SNAP91: variants seen among roughly 807,000 people sequenced by gnomAD.
SNAP91 encodes the protein clathrin coat assembly protein AP180.
A neutral mutation model predicts 100.3 loss-of-function variants in SNAP91; 27 were observed. That is an observed-to-expected ratio of 0.27 (90% confidence interval 0.20 to 0.37). The LOEUF (loss-of-function observed/expected upper bound fraction) is 0.37, where lower values mean the gene tolerates loss of function less well. SNAP91 is among the 10% of genes least tolerant of loss of function. The pLI is 1.00. For missense variants in SNAP91, 986 were observed against 1,123.7 expected, an observed-to-expected ratio of 0.88 and a Z score of 1.75; for synonymous variants, 404 against 398.6, an observed-to-expected ratio of 1.01 and a Z score of -0.16.
intron 10 of SNAP91, among the ~76,000 whole-genome samples, chr6:83,615,702 T>C (rs1562356639): frequency 6.6e-6 from 1 of 152,152 alleles, no homozygotes; most frequent in Non-Finnish European, 1.5e-5. Flanking sequence ...TACTGTTGCT[T>C]ATCACTGCAA....
At chr6:83,588,519 CT>C (rs896664570) in intron 22 of SNAP91, among the ~76,000 whole-genome samples, 8 of 152,260 alleles carry the variant, frequency 5.3e-5, no homozygotes, top group African/African-American at 1.9e-4. Flanking sequence ...AACTAACATA[CT>C]TTTTTTGTAG....
Position 83,634,354 on chromosome 6 carries a change from G to A in SNAP91, c.765+6742C>T, listed in dbSNP as rs184386350. 1.3e-3 allele frequency among the ~76,000 whole-genome samples: 195 copies of A among 150,766 alleles called. 2 individuals carry two copies. The highest frequency in any genetic ancestry group is 5.6e-4 in the Non-Finnish European group (38 of 68,010). On this transcript the variant is annotated intron_variant, in intron 8 of 29. Coordinates refer to ENST00000369694, the MANE Select transcript of SNAP91 (RefSeq NM_001242792.2). Reference sequence around the variant, plus strand: ...ATCTTCTCCTGTTATCTAGGCCTACGGTTTCCCCAGTGCGGGGTGTGTGTT... The same window carrying A: ...ATCTTCTCCTGTTATCTAGGCCTACAGTTTCCCCAGTGCGGGGTGTGTGTT...
intron 2 of SNAP91, among the ~76,000 whole-genome samples, chr6:83,707,467 G>GA (rs972041332): frequency 4.0e-5 from 6 of 150,130 alleles, no homozygotes; most frequent in South Asian, 4.2e-4. Flanking sequence ...GGTGGAGAAA[G>GA]AAAAAAAGGT....
At chr6:83,602,209 G>A (rs2095300649) in intron 14 of SNAP91, among the ~76,000 whole-genome samples, 1 of 152,192 alleles carries the variant, frequency 6.6e-6, no homozygotes, top group East Asian at 1.9e-4. Context: ...TCACCAGCCT[G>A]TAGAAATGCC....
At position 83,649,707 on chromosome 6, in the gene SNAP91, A is replaced by C. The variant is rs966590609; in HGVS notation, c.658+7047T>G. ...GTGATTCTCCTGCCTTAGCCTCCCT[A>C]GTAGCTGGGACTATAGACATGAGCC... On this transcript the variant is annotated intron_variant, in intron 7 of 29. Transcript: ENST00000369694. Among the ~76,000 whole-genome samples the C allele has an allele frequency of 2.0e-5, 3 of 150,230 alleles. 1 individual carries two copies. The highest frequency in any genetic ancestry group is 7.3e-5 in the African/African-American group (3 of 40,854).
chr6:83,567,994 GC>G (rs1459776429), intron 26 of SNAP91, among the ~76,000 whole-genome samples: 4 of 151,350 alleles, frequency 2.6e-5, no homozygotes, highest in Non-Finnish European at 5.9e-5. Flanking sequence ...CCCATTACTG[GC>G]TATATACCCA....
chr6:83,577,025 G>A (rs1819939532), intron 24 of SNAP91, among the ~76,000 whole-genome samples: 1 of 152,152 alleles, frequency 6.6e-6, no homozygotes, highest in Non-Finnish European at 1.5e-5. Context: ...GCTAGAAGGC[G>A]ATAAGGAAAG....
rs1033655 is a variant in SNAP91, at chr6:83,593,623, T to A, written c.1551A>T (p.Pro517=). 1 of 1,607,770 alleles carries A rather than the reference T, an allele frequency of 6.2e-7. No individual in the cohort carries two copies. The highest frequency in any genetic ancestry group is 8.5e-7 in the Non-Finnish European group (1 of 1,176,804). ...VVTPTASTAP[P]VPATAPSPAP... Reference sequence around the variant, plus strand: ...CAGGAGAAGGAGCAGTTGCGGGAACTGGAGGGGCTGTGCTAGCTGTAGGGG... The same window carrying A: ...CAGGAGAAGGAGCAGTTGCGGGAACAGGAGGGGCTGTGCTAGCTGTAGGGG... Residue 517 remains proline, a synonymous_variant, in exon 18 of 30, where the codon CCA becomes CCT. Transcript: ENST00000369694.
chr6:83,647,389 A>G (rs1177446472), intron 7 of SNAP91, among the ~76,000 whole-genome samples: 2 of 152,122 alleles, frequency 1.3e-5, no homozygotes, highest in Non-Finnish European at 2.9e-5. Context: ...GTTCACTGAT[A>G]ATTTTTGTCA....
chr6:83,604,672 T>C (rs1489559776), intron 14 of SNAP91, among the ~76,000 whole-genome samples: 1 of 152,220 alleles, frequency 6.6e-6, no homozygotes, highest in Non-Finnish European at 1.5e-5. Flanking sequence ...AATGTTATGT[T>C]GTTACAGATC....
intron 2 of SNAP91, among the ~76,000 whole-genome samples, chr6:83,667,821 T>C (rs2098714504): frequency 6.6e-6 from 1 of 152,002 alleles, no homozygotes; most frequent in African/African-American, 2.4e-5. Flanking sequence ...AAAGCCAAAA[T>C]TGACAAATGG....
intron 22 of SNAP91, among the ~76,000 whole-genome samples, chr6:83,588,825 G>A (rs2093281144): frequency 1.3e-5 from 2 of 152,138 alleles, no homozygotes; most frequent in South Asian, 2.1e-4. Context: ...GACACAGAGA[G>A]GCCACAATGG....
At chr6:83,691,899 T>C (rs2099135375) in intron 2 of SNAP91, among the ~76,000 whole-genome samples, 1 of 152,184 alleles carries the variant, frequency 6.6e-6, no homozygotes, top group African/African-American at 2.4e-5. Flanking sequence ...TCCAAAGTCA[T>C]TTTTATTTGA....
At chr6:83,659,119 C>A in intron 5 of SNAP91, 27 bp from the exon 6 acceptor site, 20 of 1,401,412 alleles carry the variant, frequency 1.4e-5, no homozygotes, top group Non-Finnish European at 2.0e-5. Flanking sequence ...AAAAAAGGTA[C>A]AATTTCATTG....
At chr6:83,589,732 A>G (rs575369924) in intron 22 of SNAP91, among the ~76,000 whole-genome samples, 2 of 152,294 alleles carry the variant, frequency 1.3e-5, no homozygotes, top group South Asian at 4.1e-4. Flanking sequence ...ATGGAAGGAA[A>G]GGTTAACAGC....
intron 20 of SNAP91, 129 bp from the exon 21 acceptor site, chr6:83,592,667 G>A (rs1462472814): frequency 1.3e-6 from 1 of 774,616 alleles, no homozygotes; most frequent in Non-Finnish European, 2.1e-6. Flanking sequence ...AATCTTAACA[G>A]TTAAGGAAAA....
intron 2 of SNAP91, among the ~76,000 whole-genome samples, chr6:83,698,495 T>C (rs2099251387): frequency 6.6e-6 from 1 of 152,058 alleles, no homozygotes; most frequent in Non-Finnish European, 1.5e-5. Flanking sequence ...AGGTGACTAG[T>C]TGGAACTAAG....
chr6:83,698,519 G>A (rs972246329), intron 2 of SNAP91, among the ~76,000 whole-genome samples: 1 of 151,950 alleles, frequency 6.6e-6, no homozygotes, highest in Admixed American at 6.6e-5. Context: ...ACCATATAAA[G>A]CTAGGATCCT....
chr6:83,591,241 T>A lies in SNAP91; in HGVS notation c.1984A>T (p.Ser662Cys), dbSNP rs750956338. ...AGTAGGTCTGCCGATGCTGATGAAC[T>A]AGAAGCAGCCTGAGATGCAGGTTGG... ...EPQPASQAAS[S>C]SSASADLLAG... Residue 662 changes from serine (S) to cysteine (C), a missense_variant, in exon 22 of 30, where the codon AGT becomes TGT. By Grantham distance (112) the Ser-to-Cys change is moderately radical (BLOSUM62 -1). This residue lies in a region of SNAP91 where 575 missense variants were observed against 579.9 expected (regional missense o/e 0.99). Transcript: ENST00000369694. The A allele has an allele frequency of 6.2e-7, 1 of 1,612,572 alleles. No homozygotes were observed.
Sources: gnomAD v4.1 joint callset for allele counts (sites outside exome capture counted in the v4.1 genomes callset) on GRCh38, gnomAD v4.1.1 for gene constraint, gnomAD v4.1.1 regional missense constraint, MANE v1.5 for transcripts, NCBI Gene and HGNC (gene_info 2026-07-23, HGNC 2026-07-21) for gene names.